NFIB: variants seen among roughly 807,000 people sequenced by gnomAD.
NFIB encodes nuclear factor I B.
NFIB carries 11 observed loss-of-function variants against 61.5 expected under a neutral mutation model. The observed-to-expected ratio is 0.18, with a 90% confidence interval of 0.11 to 0.30. The LOEUF is 0.30. Ranked by LOEUF, NFIB falls within the 10% of genes least tolerant of loss-of-function variation. NFIB has a pLI of 1.00. For synonymous variants in NFIB, 260 were observed against 216.5 expected, an observed-to-expected ratio of 1.20 and a Z score of -1.76; for missense variants, 471 against 608.9, an observed-to-expected ratio of 0.77 and a Z score of 2.38.
At chr9:14,193,849 T>C (rs2048210629) in intron 2 of NFIB, among the ~76,000 whole-genome samples, 1 of 152,168 alleles carries the variant, frequency 6.6e-6, no homozygotes, top group African/African-American at 2.4e-5. Context: ...AATTCACATG[T>C]TGCCAACTTT....
intron 3 of NFIB, among the ~76,000 whole-genome samples, chr9:14,158,126 AC>A (rs1300043673): frequency 6.6e-5 from 10 of 150,854 alleles, no homozygotes; most frequent in South Asian, 2.1e-4. Flanking sequence ...AAAAAAAAAA[AC>A]AAAACAAAAC....
At chr9:14,235,938 C>G (rs1367128848) in intron 2 of NFIB, among the ~76,000 whole-genome samples, 1 of 152,138 alleles carries the variant, frequency 6.6e-6, no homozygotes, top group Non-Finnish European at 1.5e-5. Context: ...TATTTAAACT[C>G]ACAATAAAGA....
chr9:14,287,151 G>T (rs1490128007), intron 2 of NFIB, among the ~76,000 whole-genome samples: 1 of 152,134 alleles, frequency 6.6e-6, no homozygotes, highest in South Asian at 2.1e-4. Context: ...GCTATTATAG[G>T]CCGGGCGCGG....
chr9:14,265,802 G>A (rs1371238274), intron 2 of NFIB, among the ~76,000 whole-genome samples: 3 of 152,196 alleles, frequency 2.0e-5, no homozygotes, highest in East Asian at 3.9e-4. Flanking sequence ...AGTTTGCAGT[G>A]TAGTGGAGAG....
intron 1 of NFIB, among the ~76,000 whole-genome samples, chr9:14,344,293 C>A (rs916579378): frequency 6.6e-6 from 1 of 151,390 alleles, no homozygotes; most frequent in East Asian, 2.0e-4. Context: ...GATGGGGGTG[C>A]GAGAGTGGGG....
intron 2 of NFIB, among the ~76,000 whole-genome samples, chr9:14,227,847 G>A (rs902058165): frequency 2.0e-5 from 3 of 152,138 alleles, no homozygotes; most frequent in African/African-American, 7.2e-5. Flanking sequence ...GGAACCTTCT[G>A]AACCTCTGGA....
At chr9:14,330,462 A>C (rs2060807737) in intron 1 of NFIB, among the ~76,000 whole-genome samples, 1 of 152,160 alleles carries the variant, frequency 6.6e-6, no homozygotes, top group African/African-American at 2.4e-5. Flanking sequence ...AGTTTTGAAA[A>C]ACGTTTTTTA....
At chr9:14,395,854 T>C (rs547599405) in intron 1 of NFIB, among the ~76,000 whole-genome samples, 1 of 146,560 alleles carries the variant, frequency 6.8e-6, no homozygotes, top group Admixed American at 7.0e-5. Context: ...CTTGCCTCAG[T>C]GCGGGTGAGA....
chr9:14,329,417 C>A (rs531870801), intron 1 of NFIB, among the ~76,000 whole-genome samples: 2 of 152,246 alleles, frequency 1.3e-5, no homozygotes, highest in South Asian at 4.2e-4. Flanking sequence ...CTTTTATGCT[C>A]CAGGTCATAA....
chr9:14,269,693 T>TG (rs1328798266), intron 2 of NFIB, among the ~76,000 whole-genome samples: 1 of 152,220 alleles, frequency 6.6e-6, no homozygotes, highest in Non-Finnish European at 1.5e-5. Flanking sequence ...CTACAATTGG[T>TG]GGCTTTATGT....
chr9:14,177,655 C>T (rs73411989), intron 3 of NFIB, among the ~76,000 whole-genome samples: 6,979 of 152,050 alleles, frequency 0.046, 526 homozygotes, highest in African/African-American at 0.16. Context: ...ATAGAATCAA[C>T]GTACGATTTA....
At chr9:14,217,327 A>G (rs2051038878) in intron 2 of NFIB, among the ~76,000 whole-genome samples, 3 of 152,312 alleles carry the variant, frequency 2.0e-5, no homozygotes, top group South Asian at 2.1e-4. Flanking sequence ...TAAGATATAC[A>G]TTATCTAATT....
At chr9:14,341,702 T>C (rs1013301596) in intron 1 of NFIB, among the ~76,000 whole-genome samples, 1 of 152,138 alleles carries the variant, frequency 6.6e-6, no homozygotes, top group African/African-American at 2.4e-5. Context: ...GGAACATTTT[T>C]TATGTGTTCA....
chr9:14,115,412 A>C (rs2037976899), intron 9 of NFIB, among the ~76,000 whole-genome samples: 1 of 152,196 alleles, frequency 6.6e-6, no homozygotes, highest in African/African-American at 2.4e-5. Flanking sequence ...CTCCAGTACT[A>C]AGAAGCTGAC....
At chr9:14,108,193 G>A (rs576175087) in intron 10 of NFIB, among the ~76,000 whole-genome samples, 1 of 152,200 alleles carries the variant, frequency 6.6e-6, no homozygotes, top group African/African-American at 2.4e-5. Context: ...TTTACGTCAA[G>A]CTGTCAATTA....
chr9:14,313,449 G>C lies in NFIB; in HGVS notation c.30+33C>G. Reference sequence around the variant, plus strand: ...CAAAACAAAGGCATTTCGGGCCAGAGAGAAAGCTCGAGAAAGCGACCGAGA... The same window carrying C: ...CAAAACAAAGGCATTTCGGGCCAGACAGAAAGCTCGAGAAAGCGACCGAGA... On this transcript the variant is annotated intron_variant, in intron 1 of 10. Transcript: ENST00000380953. The surrounding 1 kb of genome is among the most constrained non-coding windows in gnomAD (Gnocchi z 4.5). 1 of 1,613,688 alleles carries C rather than the reference G, an allele frequency of 6.2e-7. No individual in the cohort carries two copies. Among genetic ancestry groups the C allele is most frequent in the Non-Finnish European group, 8.5e-7 (1 of 1,179,788 alleles).
At chr9:14,235,851 C>G (rs1385748311) in intron 2 of NFIB, among the ~76,000 whole-genome samples, 1 of 152,102 alleles carries the variant, frequency 6.6e-6, no homozygotes, top group Non-Finnish European at 1.5e-5. Context: ...CCACTTATCC[C>G]CAAGGCTTGA....
At chr9:14,315,438 C>G (rs1459586487), upstream of NFIB, among the ~76,000 whole-genome samples, 2 of 149,748 alleles carry the variant, frequency 1.3e-5, no homozygotes, top group African/African-American at 4.9e-5. Flanking sequence ...GCCCCGCTGG[C>G]TGGCTCCCAA....
chr9:14,492,454 G>A, the NFIB span, among the ~76,000 whole-genome samples: 4 of 152,000 alleles, frequency 2.6e-5, no homozygotes, highest in African/African-American at 9.7e-5. Context: ...CAGTTCTGCA[G>A]TTATACAGGA....
Sources: allele counts gnomAD v4.1 joint callset (sites outside exome capture counted in the v4.1 genomes callset), GRCh38; gene constraint gnomAD v4.1.1; non-coding constraint Gnocchi (gnomAD v3.1); transcripts MANE v1.5; gene names NCBI Gene and HGNC (gene_info 2026-07-23, HGNC 2026-07-21).